Variants in PTK2 observed in about 807,000 individuals in gnomAD.
PTK2 encodes protein tyrosine kinase 2.
Under a neutral mutation model 150.1 loss-of-function variants are expected in PTK2, and 45 were observed. The ratio of observed to expected loss-of-function variants is 0.30; its 90% CI spans 0.24 to 0.38. The LOEUF (loss-of-function observed/expected upper bound fraction) is 0.38, where lower values mean the gene tolerates loss of function less well. Among genes scored for constraint, PTK2 ranks in the 10% least tolerant of loss-of-function variants. The probability of loss-of-function intolerance (pLI) is 1.00; values close to 1 mark genes in which losing one functional copy is unlikely to be tolerated. For missense variants in PTK2, 919 were observed against 1,307.3 expected, an observed-to-expected ratio of 0.70 and a Z score of 4.58; for synonymous variants, 432 against 449.2, an observed-to-expected ratio of 0.96 and a Z score of 0.48.
At chr8:140,878,196 T>C (rs1157575639) in intron 4 of PTK2, among the ~76,000 whole-genome samples, 1 of 152,244 alleles carries the variant, frequency 6.6e-6, no homozygotes, top group Non-Finnish European at 1.5e-5. Context: ...AATGAAACTA[T>C]ATTCTCAAGG....
intron 14 of PTK2, chr8:140,764,509 A>C: frequency 1.9e-6 from 1 of 534,406 alleles, no homozygotes; most frequent in East Asian, 2.9e-5. Flanking sequence ...TGTTTATCGG[A>C]GAGCAAACAG....
intron 2 of PTK2, among the ~76,000 whole-genome samples, chr8:140,909,384 C>G (rs1255617535): frequency 1.3e-5 from 2 of 152,198 alleles, no homozygotes; most frequent in Non-Finnish European, 2.9e-5. Context: ...GATTACAGGA[C>G]AGCTAAAACT....
chr8:140,748,310 A>T, intron 17 of PTK2, among the ~76,000 whole-genome samples: 1 of 152,114 alleles, frequency 6.6e-6, no homozygotes, highest in East Asian at 1.9e-4. Flanking sequence ...CCTGGCCAAC[A>T]TGGTGAAACC....
rs976155330 is a variant in PTK2 at position 140,669,685 on chromosome 8, T to C, written c.2710-1261A>G. On this transcript the variant is annotated intron_variant, in intron 29 of 31. Transcript: ENST00000522684. ...GTTACATGCAGAGAGCCGGGTGTGA[T>C]AGAGAGAGCTGGACAGACACACAAA... The C allele has an allele frequency of 3.3e-5, 50 of 1,526,056 alleles. No individual in the cohort carries two copies. In the East Asian group the frequency reaches 5.4e-4, roughly 16 times the overall value. 94.5% of individuals were successfully genotyped at this position (1,526,056 alleles called of 1,614,324 possible). A position where few individuals can be genotyped will look rare whatever the true frequency, so the allele number is the denominator to read the frequency against.
intron 23 of PTK2, among the ~76,000 whole-genome samples, chr8:140,706,741 G>A (rs1307200810): frequency 6.6e-6 from 1 of 152,120 alleles, no homozygotes; most frequent in African/African-American, 2.4e-5. Flanking sequence ...GTAAAGTCCA[G>A]AGACATGAAA....
At chr8:140,952,386 AG>A (rs1384760583) in intron 1 of PTK2, among the ~76,000 whole-genome samples, 1 of 152,222 alleles carries the variant, frequency 6.6e-6, no homozygotes, top group Non-Finnish European at 1.5e-5. Flanking sequence ...GCACAGCACA[AG>A]GGACAGAATA....
chr8:140,921,769 T>C (rs1309856692), intron 2 of PTK2, among the ~76,000 whole-genome samples: 2 of 152,188 alleles, frequency 1.3e-5, no homozygotes, highest in African/African-American at 2.4e-5. Context: ...AGTAATAAAC[T>C]CATACTAAAG....
At chr8:140,720,766 G>T (rs2100042451) in intron 22 of PTK2, among the ~76,000 whole-genome samples, 1 of 150,626 alleles carries the variant, frequency 6.6e-6, no homozygotes, top group Admixed American at 6.6e-5. Flanking sequence ...TTTCTTTCTT[G>T]TTTTTGGGGC....
chr8:140,785,853 G>A (rs776196701), intron 14 of PTK2, among the ~76,000 whole-genome samples: 2 of 152,168 alleles, frequency 1.3e-5, no homozygotes, highest in Non-Finnish European at 2.9e-5. Flanking sequence ...GCCACTGTGG[G>A]ATTAAATAAT....
intron 27 of PTK2, among the ~76,000 whole-genome samples, chr8:140,685,023 A>T (rs2100019045): frequency 6.6e-6 from 1 of 152,216 alleles, no homozygotes; most frequent in Non-Finnish European, 1.5e-5. Context: ...CCAAAACATC[A>T]TGGTACTGGT....
chr8:140,867,623 G>A (rs1256792586), intron 4 of PTK2, among the ~76,000 whole-genome samples: 5 of 152,190 alleles, frequency 3.3e-5, no homozygotes, highest in Non-Finnish European at 7.4e-5. Context: ...AACAAGAGTG[G>A]TGGATGGGAG....
chr8:140,737,625 G>C (rs373224726), intron 21 of PTK2, among the ~76,000 whole-genome samples: 2 of 152,078 alleles, frequency 1.3e-5, no homozygotes, highest in African/African-American at 4.8e-5. Context: ...AAGTCATTCA[G>C]ACATTACAGT....
intron 20 of PTK2, among the ~76,000 whole-genome samples, chr8:140,741,742 T>C (rs1593157158): frequency 6.6e-6 from 1 of 152,306 alleles, no homozygotes; most frequent in East Asian, 1.9e-4. Flanking sequence ...GAAAACATTA[T>C]TCAGTAAAAT....
At chr8:140,711,525 T>C (rs952285794) in intron 23 of PTK2, among the ~76,000 whole-genome samples, 7 of 152,214 alleles carry the variant, frequency 4.6e-5, no homozygotes, top group African/African-American at 1.7e-4. Flanking sequence ...ATAGTTTGTA[T>C]AGATATTTTG....
chr8:140,754,401 G>C (rs929411550), intron 16 of PTK2, among the ~76,000 whole-genome samples: 1 of 152,234 alleles, frequency 6.6e-6, no homozygotes, highest in African/African-American at 2.4e-5. Context: ...ACTTCTTTAG[G>C]ACCATGACCA....
In PTK2 at chr8:140,910,178, T is replaced by C. The variant is rs190039524; in HGVS notation, c.-33+15483A>G. On this transcript the variant is annotated intron_variant, in intron 2 of 31. Coordinates refer to ENST00000522684, the Ensembl canonical transcript of PTK2. ...AGTCAAAAAGCAGTATTAACATATA[T>C]GATATTCTAACAGTATTTTGTTTCT... Among the ~76,000 whole-genome samples the C allele has an allele frequency of 1.1e-4, 16 of 152,266 alleles. No individual in the cohort carries two copies. The East Asian group carries it at 2.9e-3, about 28-fold the overall frequency.
chr8:140,905,855 T>C (rs761157567), intron 2 of PTK2, among the ~76,000 whole-genome samples: 1 of 152,114 alleles, frequency 6.6e-6, no homozygotes, highest in African/African-American at 2.4e-5. Flanking sequence ...GAACTCAGGA[T>C]TAAGAAAACT....
Position 140,679,003 on chromosome 8 carries a change from G to GTTTTTTTTTT in PTK2, c.2563-3514_2563-3505dup, listed in dbSNP as rs533089786. ...TCACGGCCAGCTGAGTGCTCCCCAT[G>GTTTTTTTTTT]TTTTTTTTTTTTTTTTTTTTTTTTT... On this transcript the variant is annotated intron_variant, in intron 27 of 31. Coordinates refer to ENST00000522684, the Ensembl canonical transcript of PTK2. 4.1e-4 allele frequency among the ~76,000 whole-genome samples: 28 copies of GTTTTTTTTTT among 69,004 alleles called. 6 individuals are homozygous for GTTTTTTTTTT. The highest frequency in any genetic ancestry group is 1.7e-3 in the South Asian group (3 of 1,778). 45.3% of individuals were successfully genotyped at this position (69,004 alleles called of 152,430 possible).
In PTK2 at chr8:140,708,446, C is replaced by G. The variant is rs150779043; in HGVS notation, c.2143-2241G>C. On this transcript the variant is annotated intron_variant, in intron 23 of 31. Coordinates refer to ENST00000522684, the Ensembl canonical transcript of PTK2. ...TGCCAGCCTAACATAAACATATGTC[C>G]TCTGCTCTCCTAAGGAGGCCTTTTT... Among the ~76,000 whole-genome samples, 42 of 152,276 alleles carry G rather than the reference C, an allele frequency of 2.8e-4. No individual in the cohort carries two copies. In the East Asian group the frequency reaches 7.3e-3, roughly 27 times the overall value.
Sources: gnomAD v4.1 joint callset for allele counts (sites outside exome capture counted in the v4.1 genomes callset) on GRCh38, gnomAD v4.1.1 for gene constraint, MANE v1.5 for transcripts, NCBI Gene and HGNC (gene_info 2026-07-23, HGNC 2026-07-21) for gene names.